The following PCED1B variants were observed in gnomAD, a reference collection of about 807,000 sequenced individuals.
The protein encoded by PCED1B is PC-esterase domain-containing protein 1B.
For missense variants in PCED1B, 573 were observed against 573.9 expected, an observed-to-expected ratio of 1.00 and a Z score of 0.02; for synonymous variants, 251 against 246.1, an observed-to-expected ratio of 1.02 and a Z score of -0.19.
At chr12:47,200,797 A>G (rs548168091) in intron 2 of PCED1B, among the ~76,000 whole-genome samples, 17 of 152,246 alleles carry the variant, frequency 1.1e-4, no homozygotes, top group Non-Finnish European at 2.4e-4. Flanking sequence ...ATGTCAGTTC[A>G]GATCACTGCA....
At chr12:47,127,369 CTTTT>C (rs34788645) in intron 2 of PCED1B, among the ~76,000 whole-genome samples, 2 of 128,872 alleles carry the variant, frequency 1.6e-5, no homozygotes, top group Non-Finnish European at 1.6e-5. Context: ...TTTTTTATTT[CTTTT>C]TTTTTTTTTT....
chr12:47,218,819 A>G (rs1366612485), intron 3 of PCED1B, among the ~76,000 whole-genome samples: 1 of 151,796 alleles, frequency 6.6e-6, no homozygotes. Flanking sequence ...ACTTGCTCTC[A>G]TTTTTAAATT....
At chr12:47,206,724 T>C (rs1171981223) in intron 2 of PCED1B, 1 of 151,940 alleles carries the variant, frequency 6.6e-6, no homozygotes, top group Admixed American at 6.6e-5. Flanking sequence ...CTGGTCAATA[T>C]AGCGAAACCT....
intron 2 of PCED1B, among the ~76,000 whole-genome samples, chr12:47,139,941 G>A (rs1940531317): frequency 6.6e-6 from 1 of 151,802 alleles, no homozygotes; most frequent in Non-Finnish European, 1.5e-5. Flanking sequence ...CGTGTGAGTA[G>A]GGTATAAAAT....
chr12:47,204,719 C>G (rs760868025), intron 2 of PCED1B, among the ~76,000 whole-genome samples: 9 of 152,100 alleles, frequency 5.9e-5, no homozygotes, highest in Non-Finnish European at 1.2e-4. Flanking sequence ...GGTCATGCAT[C>G]TAAAAGTCAA....
At chr12:47,155,217 G>A (rs543256518) in intron 2 of PCED1B, among the ~76,000 whole-genome samples, 1 of 152,294 alleles carries the variant, frequency 6.6e-6, no homozygotes, top group East Asian at 1.9e-4. Flanking sequence ...TATAACCAAA[G>A]TAAAATGTTC....
intron 2 of PCED1B, among the ~76,000 whole-genome samples, chr12:47,189,473 G>A (rs541362955): frequency 9.2e-5 from 14 of 152,266 alleles, no homozygotes; most frequent in African/African-American, 3.1e-4. Flanking sequence ...ATCTCACAGT[G>A]AAAATGTTCC....
At position 47,235,476 on chromosome 12, in the gene PCED1B, G is replaced by T; in HGVS notation, c.413G>T (p.Ser138Ile). 1 of 1,613,914 alleles carries T rather than the reference G, an allele frequency of 6.2e-7. No individual in the cohort carries two copies. Among genetic ancestry groups the T allele is most frequent in the Admixed American group, 1.7e-5 (1 of 60,016 alleles). Residue 138 changes from serine to isoleucine, a missense_variant, in exon 4 of 4, where the codon AGC (serine) becomes ATC (isoleucine). Transcript: ENST00000546455. ...ISRYGPNSWR[S>I]YLENLENLFQ... ...AGGTATGGTCCGAACTCCTGGAGAA[G>T]CTACCTGGAGAACCTGGAGAACCTG...
Position 47,236,222 on chromosome 12 carries a change from C to A in PCED1B, c.1159C>A (p.Pro387Thr), listed in dbSNP as rs765504758. Residue 387 changes from proline to threonine, a missense_variant, in exon 4 of 4, where the codon CCC becomes ACC. Transcript: ENST00000546455. The stretch of plus-strand genomic sequence containing the variant: ...GCTGCCTATGCCCTTCTTCCCCACA[C>A]CCCGTTATCAGCGGCCTGCCCCAGT... The part of the protein sequence containing the change: ...PQLPMPFFPT[P>T]RYQRPAPVVH... 5 of 1,614,172 alleles carry A rather than the reference C, an allele frequency of 3.1e-6. No homozygotes were observed. The Admixed American group carries it at 5.0e-5, about 16-fold the overall frequency.
chr12:47,231,203 G>A (rs214695), intron 3 of PCED1B, among the ~76,000 whole-genome samples: 145,192 of 152,248 alleles, frequency 0.95, 69,293 homozygotes, highest in East Asian at 1. Flanking sequence ...TAACAGAAGA[G>A]AAGCGCGTAT....
intron 2 of PCED1B, among the ~76,000 whole-genome samples, chr12:47,168,128 T>C (rs973633979): frequency 3.9e-5 from 6 of 152,226 alleles, no homozygotes; most frequent in Non-Finnish European, 8.8e-5. Flanking sequence ...ACCAGTTCCA[T>C]ATGAATTACC....
At chr12:47,180,334 T>C (rs1942055661) in intron 2 of PCED1B, among the ~76,000 whole-genome samples, 1 of 152,230 alleles carries the variant, frequency 6.6e-6, no homozygotes, top group Non-Finnish European at 1.5e-5. Flanking sequence ...TACAACCATC[T>C]GATCTTTGGC....
chr12:47,139,758 G>T (rs1410016807), intron 2 of PCED1B, among the ~76,000 whole-genome samples: 1 of 151,674 alleles, frequency 6.6e-6, no homozygotes, highest in Non-Finnish European at 1.5e-5. Flanking sequence ...ACATGGGTTT[G>T]ATGTGAGAGA....
chr12:47,205,115 T>C (rs1249954816), intron 2 of PCED1B, among the ~76,000 whole-genome samples: 1 of 152,174 alleles, frequency 6.6e-6, no homozygotes, highest in Non-Finnish European at 1.5e-5. Context: ...GGATCAGAGT[T>C]TTTAAGGATA....
intron 2 of PCED1B, among the ~76,000 whole-genome samples, chr12:47,118,751 G>A (rs12313708): frequency 0.086 from 13,113 of 152,104 alleles, 921 homozygotes; most frequent in African/African-American, 0.19. Flanking sequence ...GCTTGATGGG[G>A]ATGGCATTGA....
At chr12:47,130,979 TAA>T (rs1234242945) in intron 2 of PCED1B, among the ~76,000 whole-genome samples, 3 of 152,232 alleles carry the variant, frequency 2.0e-5, no homozygotes, top group Non-Finnish European at 4.4e-5. Flanking sequence ...ACTTAAATGT[TAA>T]GTCAGTGCAT....
At chr12:47,112,042 A>C (rs1939220396) in intron 2 of PCED1B, among the ~76,000 whole-genome samples, 1 of 152,232 alleles carries the variant, frequency 6.6e-6, no homozygotes, top group African/African-American at 2.4e-5. Flanking sequence ...CAGAGCTGCC[A>C]ACCCCCAGCC....
chr12:47,226,115 T>C (rs987852958), intron 3 of PCED1B, among the ~76,000 whole-genome samples: 1 of 152,240 alleles, frequency 6.6e-6, no homozygotes, highest in African/African-American at 2.4e-5. Flanking sequence ...GTGACAGCTT[T>C]AGCCTAAGCC....
At position 47,147,937 on chromosome 12, in the gene PCED1B, A is replaced by G. The variant is rs535190910; in HGVS notation, c.-526+43742A>G. Among the ~76,000 whole-genome samples the G allele has an allele frequency of 7.2e-5, 11 of 152,322 alleles. No individual in the cohort carries two copies. The South Asian group carries it at 2.3e-3, about 32-fold the overall frequency. Reference sequence around the variant, plus strand: ...TATAATAACAGCCCCACTTCTGGATACCAATTTTCTTCATTCCTTTTGTGT... The same window carrying G: ...TATAATAACAGCCCCACTTCTGGATGCCAATTTTCTTCATTCCTTTTGTGT... On this transcript the variant is annotated intron_variant, in intron 2 of 3. Coordinates refer to ENST00000546455, the MANE Select transcript of PCED1B (RefSeq NM_138371.3).
Sources: gnomAD v4.1 joint callset for allele counts (sites outside exome capture counted in the v4.1 genomes callset) on GRCh38, gnomAD v4.1.1 for gene constraint, MANE v1.5 for transcripts, NCBI Gene and HGNC (gene_info 2026-07-23, HGNC 2026-07-21) for gene names.